Variants in NFIB observed in about 807,000 individuals in gnomAD.
The protein encoded by NFIB is nuclear factor 1 B-type.
NFIB carries 11 observed loss-of-function variants against 61.5 expected under a neutral mutation model. That is an observed-to-expected ratio of 0.18 (90% confidence interval 0.11 to 0.30). NFIB has a LOEUF of 0.30. Ranked by LOEUF, NFIB falls within the 10% of genes least tolerant of loss-of-function variation. NFIB has a pLI of 1.00. For synonymous variants in NFIB, 260 were observed against 216.5 expected, an observed-to-expected ratio of 1.20 and a Z score of -1.76; for missense variants, 471 against 608.9, an observed-to-expected ratio of 0.77 and a Z score of 2.38.
chr9:14,101,562 T>A (rs1295444359), intron 10 of NFIB, among the ~76,000 whole-genome samples: 1 of 152,198 alleles, frequency 6.6e-6, no homozygotes, highest in Admixed American at 6.5e-5. Flanking sequence ...GTCAACTCTA[T>A]CTGGTGAACT....
At chr9:14,149,204 C>T (rs567253514) in intron 5 of NFIB, among the ~76,000 whole-genome samples, 3 of 152,152 alleles carry the variant, frequency 2.0e-5, no homozygotes, top group South Asian at 2.1e-4. Context: ...ATGGTTTAAC[C>T]GGAACTGATA....
the NFIB span, among the ~76,000 whole-genome samples, chr9:14,495,446 CTTTT>C: frequency 6.8e-5 from 8 of 117,244 alleles, 1 homozygote; most frequent in Admixed American, 2.8e-4. Flanking sequence ...GAGAAATGAA[CTTTT>C]TTTTTTTTTT....
chr9:14,417,469 G>C, the NFIB span, among the ~76,000 whole-genome samples: 6 of 152,180 alleles, frequency 3.9e-5, no homozygotes, highest in Non-Finnish European at 7.4e-5. Context: ...GACTGTATCA[G>C]TCTCCTGAGA....
the NFIB span, among the ~76,000 whole-genome samples, chr9:14,453,917 C>G: frequency 6.6e-6 from 1 of 151,542 alleles, no homozygotes; most frequent in Non-Finnish European, 1.5e-5. Flanking sequence ...CCCATCTCTA[C>G]TAAAAGTACA....
chr9:14,290,947 C>T lies in NFIB; in HGVS notation c.562+16042G>A, dbSNP rs895370423. 3.3e-5 allele frequency among the ~76,000 whole-genome samples: 5 copies of T among 152,046 alleles called. 1 individual carries two copies. Among genetic ancestry groups the T allele is most frequent in the Admixed American group, 2.0e-4 (3 of 15,266 alleles). ...TGGTTTCCTGTACTTGCATTGTACC[C>T]ATCTTTTGTTCACCTATTTTTCCAT... On this transcript the variant is annotated intron_variant, in intron 2 of 10. Coordinates refer to ENST00000380953, the MANE Select transcript of NFIB (RefSeq NM_001190737.2).
At chr9:14,179,069 G>GA (rs997819124) in intron 3 of NFIB, among the ~76,000 whole-genome samples, 7 of 151,994 alleles carry the variant, frequency 4.6e-5, no homozygotes, top group Non-Finnish European at 8.8e-5. Context: ...TATCTCATGA[G>GA]AAAAAACACT....
intron 1 of NFIB, among the ~76,000 whole-genome samples, chr9:14,352,213 T>C (rs1211757108): frequency 6.6e-6 from 1 of 151,642 alleles, no homozygotes; most frequent in Non-Finnish European, 1.5e-5. Flanking sequence ...AAAATGAAAG[T>C]AAAAGTCTCC....
intron 2 of NFIB, among the ~76,000 whole-genome samples, chr9:14,234,869 T>A (rs530509887): frequency 4.7e-4 from 71 of 151,108 alleles, no homozygotes; most frequent in Non-Finnish European, 8.5e-4. Context: ...TCCAAGAGGA[T>A]CAGAATAACA....
At chr9:14,484,189 G>A in the NFIB span, among the ~76,000 whole-genome samples, 4 of 152,182 alleles carry the variant, frequency 2.6e-5, no homozygotes, top group Admixed American at 2.6e-4. Context: ...AGTTTTTGCT[G>A]AGCACTGTTC....
intron 2 of NFIB, among the ~76,000 whole-genome samples, chr9:14,218,368 T>TA (rs1329214010): frequency 2.0e-5 from 3 of 152,174 alleles, no homozygotes; most frequent in Admixed American, 6.5e-5. Context: ...CTGAACTAAG[T>TA]GTTTTCCCTC....
At chr9:14,438,821 G>A in the NFIB span, among the ~76,000 whole-genome samples, 1,086 of 152,160 alleles carry the variant, frequency 7.1e-3, 35 homozygotes, top group Admixed American at 0.058. Context: ...GGCCTGGGGC[G>A]GCAGAGAATG....
rs531816559 is a variant in NFIB, at chr9:14,355,650, G to A, written c.108+42874C>T. On this transcript the variant is annotated intron_variant, in intron 1 of 8. Coordinates refer to the NFIB transcript ENST00000380934. ...GATCCCATACTTAGAAGTGCCCCAC[G>A]TTGGCTTAAATACCCTGCTTGCCTG... Among the ~76,000 whole-genome samples, 150 of 152,282 alleles carry A rather than the reference G, an allele frequency of 9.9e-4. 5 individuals carry two copies. In the South Asian group the frequency reaches 0.029, roughly 30 times the overall value.
the NFIB span, among the ~76,000 whole-genome samples, chr9:14,450,733 C>G: frequency 5.3e-5 from 8 of 149,826 alleles, no homozygotes; most frequent in East Asian, 1.4e-3. Flanking sequence ...AGGTGATTTT[C>G]TTTTCTTTTA....
chr9:14,404,577 C>T, the NFIB span, among the ~76,000 whole-genome samples: 1 of 152,156 alleles, frequency 6.6e-6, no homozygotes. Flanking sequence ...GACTCTCTCA[C>T]CTTATGAGTT....
chr9:14,488,418 T>A, the NFIB span, among the ~76,000 whole-genome samples: 1 of 151,968 alleles, frequency 6.6e-6, no homozygotes, highest in Non-Finnish European at 1.5e-5. Flanking sequence ...TTCCCAGTCA[T>A]CATCCATCCC....
intron 1 of NFIB, among the ~76,000 whole-genome samples, chr9:14,331,709 G>C (rs147684721): frequency 6.6e-6 from 1 of 152,152 alleles, no homozygotes; most frequent in Admixed American, 6.5e-5. Flanking sequence ...ACTTAGCCAC[G>C]CAAAGGCTAT....
chr9:14,097,499 C>A lies in NFIB; in HGVS notation c.1468-9173G>T, dbSNP rs528497662. On this transcript the variant is annotated intron_variant, in intron 10 of 10. Transcript: ENST00000380953. ...CAAACTGAGAGCAGGAAATGCTAAC[C>A]TAGTGAATTCGCGGGGATGTTCTAA... Among the ~76,000 whole-genome samples, 3 of 152,252 alleles carry A rather than the reference C, an allele frequency of 2.0e-5. No individual in the cohort carries two copies. In the East Asian group the frequency reaches 5.8e-4, roughly 29 times the overall value.
chr9:14,506,393 G>T, the NFIB span, among the ~76,000 whole-genome samples: 1 of 152,124 alleles, frequency 6.6e-6, no homozygotes, highest in Non-Finnish European at 1.5e-5. Context: ...AACTTTTAGA[G>T]AGGAACCCCT....
chr9:14,306,965 G>GA (rs1563995459), intron 2 of NFIB, 24 bp downstream of exon 2: 6 of 1,610,296 alleles, frequency 3.7e-6, no homozygotes, highest in Non-Finnish European at 4.2e-6. Context: ...TGCCGTGCTA[G>GA]AAAAAAGAAC....
Sources: allele counts gnomAD v4.1 joint callset (sites outside exome capture counted in the v4.1 genomes callset), GRCh38; gene constraint gnomAD v4.1.1; transcripts MANE v1.5; gene names NCBI Gene and HGNC (gene_info 2026-07-23, HGNC 2026-07-21).